VTI1B: variants seen among roughly 807,000 people sequenced by gnomAD.
The protein encoded by VTI1B is vesicle transport through interaction with t-SNAREs homolog 1B.
In VTI1B, 18 loss-of-function variants were observed where a neutral mutation model predicts 28.6. That is an observed-to-expected ratio of 0.63 (90% CI 0.43 to 0.93). The LOEUF (loss-of-function observed/expected upper bound fraction) is 0.93, where lower values mean the gene tolerates loss of function less well. Among genes scored for constraint, VTI1B ranks in the 40% least tolerant of loss-of-function variants. VTI1B has a pLI of 0.00. For missense variants in VTI1B, 283 were observed against 297.0 expected (o/e 0.95, Z 0.35); for synonymous variants, 100 against 107.9 (o/e 0.93, Z 0.46).
chr14:67,655,172 T>C (rs2037239116), intron 4 of VTI1B, among the ~76,000 whole-genome samples: 1 of 151,976 alleles, frequency 6.6e-6, no homozygotes, highest in Non-Finnish European at 1.5e-5. Context: ...AGACCCCGTT[T>C]TTACAAAAAA....
chr14:67,665,797 A>C (rs2037395310), intron 1 of VTI1B, among the ~76,000 whole-genome samples: 2 of 152,182 alleles, frequency 1.3e-5, no homozygotes, highest in African/African-American at 4.8e-5. Context: ...CTTAATATAC[A>C]CAAGATACTT....
At chr14:67,669,420 G>A (rs945527612) in intron 1 of VTI1B, among the ~76,000 whole-genome samples, 4 of 150,846 alleles carry the variant, frequency 2.7e-5, no homozygotes, top group African/African-American at 9.8e-5. Context: ...CAAGTGAGCA[G>A]CACCACACTA....
At chr14:67,670,124 G>A (rs1374325617) in intron 1 of VTI1B, among the ~76,000 whole-genome samples, 1 of 152,130 alleles carries the variant, frequency 6.6e-6, no homozygotes, top group Non-Finnish European at 1.5e-5. Context: ...CGTTAGCAAG[G>A]TGACTGCCCA....
chr14:67,651,703 TA>T (rs3215578), intron 5 of VTI1B: 82,721 of 384,142 alleles, frequency 0.22, 10,461 homozygotes, highest in East Asian at 0.41. Context: ...AACCAAAGCA[TA>T]AAAATGGATT....
At chr14:67,655,348 T>C (rs1198656178) in intron 4 of VTI1B, among the ~76,000 whole-genome samples, 1 of 152,026 alleles carries the variant, frequency 6.6e-6, no homozygotes, top group Admixed American at 6.6e-5. Flanking sequence ...AAAATTCCTA[T>C]GTAGGTTAAC....
intron 4 of VTI1B, among the ~76,000 whole-genome samples, chr14:67,655,486 T>C (rs544568044): frequency 1.1e-4 from 16 of 152,348 alleles, no homozygotes; most frequent in Non-Finnish European, 2.1e-4. Flanking sequence ...ATGATCCAGC[T>C]TACCTTACTG....
intron 2 of VTI1B, 35 bp from the exon 3 acceptor site, chr14:67,659,957 G>A (rs779667344): frequency 1.3e-6 from 2 of 1,591,416 alleles, no homozygotes; most frequent in African/African-American, 2.7e-5. Flanking sequence ...AGATAGCCTG[G>A]TTCTTCCCTC....
intron 1 of VTI1B, among the ~76,000 whole-genome samples, chr14:67,668,714 C>A (rs1444394875): frequency 6.6e-6 from 1 of 152,198 alleles, no homozygotes; most frequent in East Asian, 1.9e-4. Context: ...TCACACTTAG[C>A]CTTCATCAGA....
At chr14:67,655,776 T>TG (rs1233927016) in intron 4 of VTI1B, among the ~76,000 whole-genome samples, 5 of 152,376 alleles carry the variant, frequency 3.3e-5, no homozygotes. Flanking sequence ...ATTATTTCTC[T>TG]TGCCAAAGAG....
chr14:67,651,249 C>T lies in VTI1B; in HGVS notation c.*136G>A. On this transcript the variant is annotated 3_prime_UTR_variant, in exon 6 of 6. Coordinates refer to ENST00000554659, the MANE Select transcript of VTI1B (RefSeq NM_006370.3). ...AAGTGGTTTTTCATCTTTCCTCCCTCCTCCCACAGCCTGGCTATACAGTGC... is the reference window on the plus strand; with the variant it reads ...AAGTGGTTTTTCATCTTTCCTCCCTTCTCCCACAGCCTGGCTATACAGTGC... 3.9e-6 allele frequency: 6 copies of T among 1,521,984 alleles called. No homozygotes were observed. The highest frequency in any genetic ancestry group is 5.3e-6 in the Non-Finnish European group (6 of 1,137,462). 94.3% of individuals were successfully genotyped at this position (1,521,984 alleles called of 1,614,324 possible).
In VTI1B at chr14:67,649,849, G is replaced by A. The variant is rs2037149446; in HGVS notation, c.*1536C>T. Reference sequence around the variant, plus strand: ...TACTTGTATTCCTGAATACTAGCTTGTTCAGATCACCCTTCATCCAGAATA... The same window carrying A: ...TACTTGTATTCCTGAATACTAGCTTATTCAGATCACCCTTCATCCAGAATA... On this transcript the variant is annotated 3_prime_UTR_variant, in exon 6 of 6. Transcript: ENST00000554659. 6.6e-6 allele frequency: 1 copy of A among 152,158 alleles called. No individual in the cohort carries two copies. The highest frequency in any genetic ancestry group is 1.5e-5 in the Non-Finnish European group (1 of 68,032). 9.4% of individuals were successfully genotyped at this position (152,158 alleles called of 1,614,324 possible). A position where few individuals can be genotyped will look rare whatever the true frequency, so the allele number is the denominator to read the frequency against.
chr14:67,666,852 A>G (rs1353859140), intron 1 of VTI1B, among the ~76,000 whole-genome samples: 2 of 152,220 alleles, frequency 1.3e-5, no homozygotes, highest in East Asian at 3.8e-4. Context: ...TATACTGTAT[A>G]CAACTGAGGG....
intron 4 of VTI1B, among the ~76,000 whole-genome samples, chr14:67,655,025 T>A (rs1302718801): frequency 3.5e-5 from 2 of 57,906 alleles, no homozygotes; most frequent in Admixed American, 2.7e-4. Flanking sequence ...CAAGACTCCA[T>A]CTCAAAAAAA....
intron 3 of VTI1B, among the ~76,000 whole-genome samples, chr14:67,658,321 G>A (rs752089843): frequency 7.2e-5 from 11 of 152,122 alleles, no homozygotes; most frequent in African/African-American, 1.2e-4. Context: ...CTCGCCAGGC[G>A]TGGTGGGTCA....
At chr14:67,669,556 C>T (rs918150297) in intron 1 of VTI1B, among the ~76,000 whole-genome samples, 2 of 149,682 alleles carry the variant, frequency 1.3e-5, no homozygotes, top group Non-Finnish European at 3.0e-5. Flanking sequence ...CACGAGCCAC[C>T]ACACCTGGCC....
At position 67,674,334 on chromosome 14, in the gene VTI1B, C is replaced by G; in HGVS notation, c.115+41G>C. The stretch of plus-strand genomic sequence containing the variant: ...GGGAGAATCTTCCTTCCAAAGCGCG[C>G]AGGGCTGCGCTCCCCACGGCGTGGC... On this transcript the variant is annotated intron_variant, in intron 1 of 5. Coordinates refer to ENST00000554659, the MANE Select transcript of VTI1B (RefSeq NM_006370.3). The G allele has an allele frequency of 2.0e-6, 3 of 1,513,868 alleles. No individual in the cohort carries two copies. In the South Asian group the frequency reaches 3.6e-5, roughly 18 times the overall value. The allele number at this position is 1,513,868 out of a possible 1,614,324, so 93.8% of individuals were successfully genotyped here.
chr14:67,651,916 A>G (rs2037184662), intron 5 of VTI1B, among the ~76,000 whole-genome samples: 2 of 152,178 alleles, frequency 1.3e-5, no homozygotes, highest in Admixed American at 1.3e-4. Flanking sequence ...CTCTCCTATC[A>G]ACCCAAATGG....
intron 2 of VTI1B, 115 bp downstream of exon 2, chr14:67,662,362 T>G: frequency 1.0e-6 from 1 of 966,702 alleles, no homozygotes; most frequent in Non-Finnish European, 1.6e-6. Context: ...TAGTAAGAAA[T>G]AGTCAAAATC....
intron 3 of VTI1B, among the ~76,000 whole-genome samples, chr14:67,657,940 G>C (rs1429685539): frequency 6.6e-6 from 1 of 151,880 alleles, no homozygotes; most frequent in Non-Finnish European, 1.5e-5. Context: ...GTAGAGACAG[G>C]GTTTCACCAT....
Sources: gnomAD v4.1 joint callset for allele counts (sites outside exome capture counted in the v4.1 genomes callset) on GRCh38, gnomAD v4.1.1 for gene constraint, MANE v1.5 for transcripts, NCBI Gene and HGNC (gene_info 2026-07-23, HGNC 2026-07-21) for gene names.